The following KCNJ3 variants were observed in gnomAD, a reference collection of about 807,000 sequenced individuals.
KCNJ3 encodes the protein potassium inwardly rectifying channel subfamily J member 3.
A neutral mutation model predicts 39.2 loss-of-function variants in KCNJ3; 4 were observed. The observed-to-expected ratio is 0.10, with a 90% CI of 0.05 to 0.23. The LOEUF (loss-of-function observed/expected upper bound fraction) is 0.23. Among genes scored for constraint, KCNJ3 ranks in the 10% least tolerant of loss-of-function variants. The pLI, the probability that KCNJ3 is intolerant of heterozygous loss-of-function variation, is 1.00. For missense variants in KCNJ3, 276 were observed against 634.9 expected, an observed-to-expected ratio of 0.43 and a Z score of 6.08; for synonymous variants, 230 against 237.4, an observed-to-expected ratio of 0.97 and a Z score of 0.29.
intron 2 of KCNJ3, among the ~76,000 whole-genome samples, chr2:154,756,479 G>T (rs1377553216): frequency 6.6e-6 from 1 of 152,066 alleles, no homozygotes; most frequent in Non-Finnish European, 1.5e-5. Flanking sequence ...TTCATTAAAA[G>T]TGTTGTGTCC....
chr2:154,782,101 T>G (rs571133000), intron 2 of KCNJ3, among the ~76,000 whole-genome samples: 68 of 152,340 alleles, frequency 4.5e-4, no homozygotes, highest in African/African-American at 1.6e-3. Flanking sequence ...ATCATGTTCA[T>G]CATGTTTGTG....
intron 2 of KCNJ3, among the ~76,000 whole-genome samples, chr2:154,836,372 CAT>C (rs751226443): frequency 6.6e-6 from 1 of 151,858 alleles, no homozygotes; most frequent in South Asian, 2.1e-4. Flanking sequence ...GTTTGCATTT[CAT>C]ATGTTATTTG....
chr2:154,839,179 G>GC (rs1687531928), intron 2 of KCNJ3, among the ~76,000 whole-genome samples: 1 of 152,144 alleles, frequency 6.6e-6, no homozygotes, highest in Non-Finnish European at 1.5e-5. Flanking sequence ...TTCCACCTAT[G>GC]AGTGAGAACA....
chr2:154,852,506 CACTT>C (rs1652334818), intron 2 of KCNJ3, among the ~76,000 whole-genome samples: 1 of 152,064 alleles, frequency 6.6e-6, no homozygotes, highest in African/African-American at 2.4e-5. Flanking sequence ...ATGGGAAAGA[CACTT>C]AGAATGACAG....
intron 2 of KCNJ3, among the ~76,000 whole-genome samples, chr2:154,747,237 A>G (rs1172211303): frequency 1.3e-5 from 2 of 152,014 alleles, no homozygotes; most frequent in African/African-American, 4.8e-5. Flanking sequence ...AGCTATTAAC[A>G]ATTACTCCTT....
At position 154,858,165 on chromosome 2, in the gene KCNJ3, G is replaced by T. The variant is rs1212713595; in HGVS notation, c.*2852G>T. 1.3e-5 allele frequency: 2 copies of T among 151,898 alleles called. No homozygotes were observed. The highest frequency in any genetic ancestry group is 1.3e-4 in the Admixed American group (2 of 15,250). 9.4% of individuals were successfully genotyped at this position (151,898 alleles called of 1,614,324 possible). On this transcript the variant is annotated 3_prime_UTR_variant, in exon 3 of 3. Coordinates refer to ENST00000295101, the MANE Select transcript of KCNJ3 (RefSeq NM_002239.4). ...AATTGCAGTTTAACCCTTATTTCTA[G>T]GTTGATCATAGGTCCCAGTTTACCC...
rs1223844999 is a variant in KCNJ3 at position 154,743,183 on chromosome 2, AAG to A, written c.919+33367_919+33368del. ...TCAAAAATTATTTGACCATATACAT[AAG>A]AGTTTATTTCTGGGCTCTTTATTCT... On this transcript the variant is annotated intron_variant, in intron 2 of 2. Transcript: ENST00000295101. 2.6e-5 allele frequency among the ~76,000 whole-genome samples: 4 copies of A among 151,936 alleles called. No homozygotes were observed. In the East Asian group the frequency reaches 7.7e-4, roughly 29 times the overall value.
chr2:154,768,861 C>G (rs977158992), intron 2 of KCNJ3, among the ~76,000 whole-genome samples: 14 of 151,980 alleles, frequency 9.2e-5, no homozygotes, highest in African/African-American at 2.9e-4. Flanking sequence ...CTTTTATTTC[C>G]TTGAGCAGTG....
In KCNJ3 at chr2:154,858,078, A is replaced by C. The variant is rs1574489490; in HGVS notation, c.*2765A>C. The C allele has an allele frequency of 1.3e-5, 2 of 151,962 alleles. No homozygotes were observed. The highest frequency in any genetic ancestry group is 3.9e-4 in the East Asian group (2 of 5,184). The allele number at this position is 151,962 out of a possible 1,614,324, so 9.4% of individuals were successfully genotyped here. ...ACTGTTGTCAAAATTACCTTATCTG[A>C]GTGAATGGTATTTTTTTTATCTTTT... On this transcript the variant is annotated 3_prime_UTR_variant, in exon 3 of 3. Coordinates refer to ENST00000295101, the MANE Select transcript of KCNJ3 (RefSeq NM_002239.4).
chr2:154,779,186 T>C (rs1181082195), intron 2 of KCNJ3, among the ~76,000 whole-genome samples: 1 of 152,014 alleles, frequency 6.6e-6, no homozygotes, highest in African/African-American at 2.4e-5. Flanking sequence ...TAGAGCTAGA[T>C]GGCATGCAGA....
intron 2 of KCNJ3, among the ~76,000 whole-genome samples, chr2:154,719,400 C>T (rs115378588): frequency 0.019 from 2,926 of 151,942 alleles, 33 homozygotes; most frequent in Non-Finnish European, 0.027. Flanking sequence ...CAGACTGTGC[C>T]GATCAATGTA....
At chr2:154,802,771 T>C (rs1029085713) in intron 2 of KCNJ3, among the ~76,000 whole-genome samples, 3 of 152,170 alleles carry the variant, frequency 2.0e-5, no homozygotes, top group Non-Finnish European at 4.4e-5. Context: ...GTGAGATACA[T>C]AGCAGCACAG....
At chr2:154,842,058 G>T (rs1483142765) in intron 2 of KCNJ3, among the ~76,000 whole-genome samples, 1 of 151,998 alleles carries the variant, frequency 6.6e-6, no homozygotes. Flanking sequence ...GATCTTTCCT[G>T]CTTTCTCTTG....
At chr2:154,785,870 T>C (rs1419359106) in intron 2 of KCNJ3, among the ~76,000 whole-genome samples, 1 of 152,144 alleles carries the variant, frequency 6.6e-6, no homozygotes, top group Non-Finnish European at 1.5e-5. Flanking sequence ...TTTAATGTCC[T>C]TATCTCCAAA....
At chr2:154,781,312 A>G (rs1016428680) in intron 2 of KCNJ3, among the ~76,000 whole-genome samples, 13 of 152,228 alleles carry the variant, frequency 8.5e-5, no homozygotes, top group Admixed American at 7.9e-4. Flanking sequence ...TAGTCACAAC[A>G]AGAAATTAAT....
At chr2:154,756,815 T>G (rs1304572271) in intron 2 of KCNJ3, among the ~76,000 whole-genome samples, 4 of 151,992 alleles carry the variant, frequency 2.6e-5, no homozygotes, top group Admixed American at 2.0e-4. Flanking sequence ...GCAAAGCCCT[T>G]TGTTTTCAGT....
intron 2 of KCNJ3, among the ~76,000 whole-genome samples, chr2:154,778,107 GC>G (rs35132590): frequency 0.1 from 15,289 of 152,020 alleles, 830 homozygotes; most frequent in East Asian, 0.19. Flanking sequence ...ACATTGTGTT[GC>G]CTTCTAAATC....
At chr2:154,721,053 C>T (rs1176490982) in intron 2 of KCNJ3, among the ~76,000 whole-genome samples, 1 of 7,692 alleles carries the variant, frequency 1.3e-4, no homozygotes, top group Admixed American at 2.6e-3. Flanking sequence ...TCCCAGTGGC[C>T]TTTTAAAAAA....
At chr2:154,735,105 G>T (rs996259704) in intron 2 of KCNJ3, among the ~76,000 whole-genome samples, 2 of 150,086 alleles carry the variant, frequency 1.3e-5, no homozygotes, top group Non-Finnish European at 3.0e-5. Context: ...GTGTGTGTTT[G>T]AGACGGAGTC....
Sources: gnomAD v4.1 joint callset for allele counts (sites outside exome capture counted in the v4.1 genomes callset) on GRCh38, gnomAD v4.1.1 for gene constraint, MANE v1.5 for transcripts, NCBI Gene and HGNC (gene_info 2026-07-23, HGNC 2026-07-21) for gene names.